Variants in PCDHA4 observed in about 807,000 individuals in gnomAD.
PCDHA4 encodes the protein protocadherin alpha-4.
A neutral mutation model predicts 61.4 loss-of-function variants in PCDHA4; 49 were observed. The observed-to-expected ratio is 0.80, with a 90% confidence interval of 0.63 to 1.01. The LOEUF is 1.01. PCDHA4 is among the 50% of genes least tolerant of loss of function. The probability of loss-of-function intolerance (pLI) is 0.00; values close to 1 mark genes in which losing one functional copy is unlikely to be tolerated. For missense variants in PCDHA4, 1,254 were observed against 1,235.8 expected (o/e 1.01, Z -0.22); for synonymous variants, 590 against 550.3 (o/e 1.07, Z -1.01).
chr5:140,893,568 C>T (rs1554185659), intron 1 of PCDHA4, among the ~76,000 whole-genome samples: 1 of 152,150 alleles, frequency 6.6e-6, no homozygotes, highest in Non-Finnish European at 1.5e-5. Flanking sequence ...TGTACTTCCT[C>T]AGTTTTTGCT....
intron 1 of PCDHA4, among the ~76,000 whole-genome samples, chr5:140,888,038 T>C (rs1195921370): frequency 3.3e-5 from 5 of 152,238 alleles, no homozygotes; most frequent in Non-Finnish European, 7.3e-5. Context: ...TATTAGTACA[T>C]GTATAATAGA....
intron 1 of PCDHA4, chr5:140,929,155 C>G: frequency 6.2e-7 from 1 of 1,614,156 alleles, no homozygotes; most frequent in Non-Finnish European, 8.5e-7. Flanking sequence ...TCAGACTTAT[C>G]TCTATCGGGC....
chr5:140,869,296 C>A, intron 1 of PCDHA4: 1 of 1,613,602 alleles, frequency 6.2e-7, no homozygotes, highest in Non-Finnish European at 8.5e-7. Flanking sequence ...GCGCCTGTTC[C>A]GGGTGGCGTC....
rs1554203742 is a variant in PCDHA4 at position 140,926,854 on chromosome 5, G to A, written c.2386-52095G>A. 10 of 1,520,530 alleles carry A rather than the reference G, an allele frequency of 6.6e-6. No homozygotes were observed. In the South Asian group the frequency reaches 1.3e-4, roughly 20 times the overall value. The allele number at this position is 1,520,530 out of a possible 1,614,324, so 94.2% of individuals were successfully genotyped here. On this transcript the variant is annotated intron_variant, in intron 1 of 3. Transcript: ENST00000530339. Reference sequence around the variant, plus strand: ...GGAGCATGGTCCTGGGTCACCGTTGGTGTAGCGTGTTGGTGGAACGTGGAC... The same window carrying A: ...GGAGCATGGTCCTGGGTCACCGTTGATGTAGCGTGTTGGTGGAACGTGGAC...
At chr5:140,870,425 C>A (rs531014522) in intron 1 of PCDHA4, 5 of 1,614,190 alleles carry the variant, frequency 3.1e-6, no homozygotes, top group Admixed American at 3.3e-5. Flanking sequence ...GCCAGGGTAT[C>A]CGTGGAGGTG....
rs200732213 is a variant in PCDHA4, at chr5:140,863,214, A to G, written c.2385+53642A>G. On this transcript the variant is annotated intron_variant, in intron 1 of 3. Transcript: ENST00000530339. ...TGGCGTCGCTGGCGGAGAGCAGCCA[A>G]GCGAGGAAGGTCCCATCGCGGGCTT... The G allele has an allele frequency of 2.6e-3, 2,761 of 1,068,920 alleles. 12 individuals carry two copies. The highest frequency in any genetic ancestry group is 9.8e-3 in the Middle Eastern group (44 of 4,506). The allele number at this position is 1,068,920 out of a possible 1,614,324, so 66.2% of individuals were successfully genotyped here. A position where few individuals can be genotyped will look rare whatever the true frequency, so the allele number is the denominator to read the frequency against.
At chr5:140,828,806 G>A in intron 1 of PCDHA4, 2 of 1,614,220 alleles carry the variant, frequency 1.2e-6, no homozygotes, top group Non-Finnish European at 1.7e-6. Context: ...GAATGATAAT[G>A]CTCCCACTTT....
chr5:140,855,791 A>T, intron 1 of PCDHA4: 1 of 446,278 alleles, frequency 2.2e-6, no homozygotes, highest in Non-Finnish European at 4.0e-6. Flanking sequence ...AAAAAGAATT[A>T]ACATATGAAT....
intron 1 of PCDHA4, among the ~76,000 whole-genome samples, chr5:140,834,039 C>T (rs2150213066): frequency 6.6e-6 from 1 of 152,144 alleles, no homozygotes; most frequent in Non-Finnish European, 1.5e-5. Flanking sequence ...CATCAGTCGC[C>T]TAAGAATGCT....
intron 3 of PCDHA4, among the ~76,000 whole-genome samples, chr5:141,000,587 C>A (rs181671847): frequency 0.01 from 1,575 of 150,790 alleles, 20 homozygotes; most frequent in Non-Finnish European, 0.016. Context: ...GCCACCATGC[C>A]CAGCTAATTT....
At position 140,809,153 on chromosome 5, in the gene PCDHA4, G is replaced by T. The variant is rs558715293; in HGVS notation, c.1966G>T (p.Glu656Ter). The T allele has an allele frequency of 1.2e-6, 2 of 1,613,816 alleles. No homozygotes were observed. Among genetic ancestry groups the T allele is most frequent in the African/African-American group, 1.3e-5 (1 of 74,932 alleles). ...ACTGGTACTGGTGAAGGACCACGGCGAGCCCGCGCTGACGGCCACGGCCAC... is the reference window on the plus strand; with the variant it reads ...ACTGGTACTGGTGAAGGACCACGGCTAGCCCGCGCTGACGGCCACGGCCAC... Reference protein sequence around the residue: ...RLLVLVKDHGEPALTATATVL... With the variant: ...RLLVLVKDHG Residue 656 changes from glutamate (E) to a stop codon, truncating the protein, a stop_gained, in exon 1 of 4, where the codon GAG (glutamate) becomes TAG (stop). Coordinates refer to ENST00000530339, the MANE Select transcript of PCDHA4 (RefSeq NM_018907.4). LOFTEE classifies it high-confidence loss of function.
chr5:140,850,685 C>G lies in PCDHA4; in HGVS notation c.2385+41113C>G, dbSNP rs1390345550. ...GGTGCTCGGCGATGCCCACCGAGGGCGAGTGCGCGCCTGGCAAGCCGACGC... is the reference window on the plus strand; with the variant it reads ...GGTGCTCGGCGATGCCCACCGAGGGGGAGTGCGCGCCTGGCAAGCCGACGC... On this transcript the variant is annotated intron_variant, in intron 1 of 3. Transcript: ENST00000530339. 25 of 1,598,270 alleles carry G rather than the reference C, an allele frequency of 1.6e-5. 2 individuals are homozygous for G. The highest frequency in any genetic ancestry group is 1.7e-4 in the Middle Eastern group (1 of 6,016).
chr5:140,976,494 G>A (rs1247242198), intron 1 of PCDHA4, among the ~76,000 whole-genome samples: 1 of 151,942 alleles, frequency 6.6e-6, no homozygotes, highest in Non-Finnish European at 1.5e-5. Context: ...GAGGTTGCAG[G>A]GAGCCAAGAT....
chr5:140,836,400 G>T, intron 1 of PCDHA4: 1 of 1,613,760 alleles, frequency 6.2e-7, no homozygotes, highest in Non-Finnish European at 8.5e-7. Context: ...GGTGGAAAGC[G>T]GCCAGGCACC....
chr5:140,907,563 A>G (rs1554193054), intron 1 of PCDHA4, among the ~76,000 whole-genome samples: 1 of 152,160 alleles, frequency 6.6e-6, no homozygotes, highest in Admixed American at 6.5e-5. Context: ...AATATAATCA[A>G]CTTGCCACCA....
At chr5:140,823,119 C>A in intron 1 of PCDHA4, 1 of 1,614,054 alleles carries the variant, frequency 6.2e-7, no homozygotes, top group Non-Finnish European at 8.5e-7. Context: ...CCGACGTGAA[C>A]GACAACGCTC....
At chr5:140,976,140 C>T (rs1276971902) in intron 1 of PCDHA4, among the ~76,000 whole-genome samples, 9 of 152,130 alleles carry the variant, frequency 5.9e-5, no homozygotes, top group African/African-American at 1.7e-4. Flanking sequence ...CTGGATGAAA[C>T]TCATGTACAT....
At chr5:140,995,025 C>A (rs1304675289) in intron 3 of PCDHA4, among the ~76,000 whole-genome samples, 1 of 152,146 alleles carries the variant, frequency 6.6e-6, no homozygotes, top group Non-Finnish European at 1.5e-5. Context: ...AAAGAAGATT[C>A]TTTTAAGTTT....
chr5:140,907,727 C>T (rs2153502591), intron 1 of PCDHA4, among the ~76,000 whole-genome samples: 1 of 152,306 alleles, frequency 6.6e-6, no homozygotes, highest in Admixed American at 6.5e-5. Flanking sequence ...AACCTCCATC[C>T]CTGCCACCAT....
Sources: allele counts gnomAD v4.1 joint callset (sites outside exome capture counted in the v4.1 genomes callset), GRCh38; gene constraint gnomAD v4.1.1; transcripts MANE v1.5; gene names NCBI Gene and HGNC (gene_info 2026-07-23, HGNC 2026-07-21).